WWOX: variants seen among roughly 807,000 people sequenced by gnomAD.
WWOX encodes WW domain-containing oxidoreductase.
WWOX carries 69 observed loss-of-function variants against 46.2 expected under a neutral mutation model. The observed-to-expected ratio is 1.49, with a 90% CI of 1.23 to 1.82. WWOX has a LOEUF of 1.82. Ranked by LOEUF, WWOX falls within the 40% of genes most tolerant of loss-of-function variation. The probability of loss-of-function intolerance (pLI) is 0.00; values close to 1 mark genes in which losing one functional copy is unlikely to be tolerated. For missense variants in WWOX, 919 were observed against 542.6 expected (o/e 1.69, Z -6.89); for synonymous variants, 359 against 202.6 (o/e 1.77, Z -6.56).
intron 5 of WWOX, among the ~76,000 whole-genome samples, chr16:78,377,252 A>G (rs1352019275): frequency 1.3e-5 from 2 of 152,240 alleles, no homozygotes; most frequent in Non-Finnish European, 2.9e-5. Context: ...TGCATAAGAT[A>G]TAGGGCATGT....
chr16:79,182,145 A>T (rs2050924890), intron 8 of WWOX, among the ~76,000 whole-genome samples: 1 of 149,066 alleles, frequency 6.7e-6, no homozygotes, highest in Non-Finnish European at 1.5e-5. Context: ...CTCGGTGGCA[A>T]GGGAGGGACT....
At chr16:78,730,316 C>T (rs1040769368) in intron 8 of WWOX, among the ~76,000 whole-genome samples, 1 of 151,982 alleles carries the variant, frequency 6.6e-6, no homozygotes, top group Non-Finnish European at 1.5e-5. Flanking sequence ...TCCCTCTCTG[C>T]CTCCTTCCTT....
intron 1 of WWOX, among the ~76,000 whole-genome samples, chr16:78,103,732 G>A (rs962402620): frequency 3.3e-5 from 5 of 152,100 alleles, no homozygotes; most frequent in African/African-American, 1.2e-4. Flanking sequence ...TTTCTAGGAG[G>A]CTGCTCTTTG....
chr16:79,211,728 A>T lies in WWOX; in HGVS notation c.1177A>T (p.Thr393Ser), dbSNP rs533369122. 1 of 1,614,178 alleles carries T rather than the reference A, an allele frequency of 6.2e-7. No individual in the cohort carries two copies. The highest frequency in any genetic ancestry group is 2.2e-5 in the East Asian group (1 of 44,868). ...MPSPEAQSEE[T>S]ARTLWALSER... ...CTCACCAGAAGCTCAGAGCGAAGAG[A>T]CGGCCCGGACCCTGTGGGCGCTCAG... Residue 393 changes from threonine to serine, a missense_variant, in exon 9 of 9, where the codon ACG (threonine) becomes TCG (serine). Transcript: ENST00000566780.
chr16:78,845,125 C>G (rs1280671407), intron 8 of WWOX, among the ~76,000 whole-genome samples: 1 of 140,058 alleles, frequency 7.1e-6, no homozygotes, highest in African/African-American at 2.7e-5. Context: ...CTTTTTTTAT[C>G]TTGCTGTCTT....
intron 8 of WWOX, among the ~76,000 whole-genome samples, chr16:79,090,295 G>A (rs1197315207): frequency 1.3e-5 from 2 of 151,326 alleles, no homozygotes; most frequent in Non-Finnish European, 2.9e-5. Flanking sequence ...GTGTGTGTGT[G>A]TGTGTGTGTG....
At chr16:78,783,738 A>T (rs1381469055) in intron 8 of WWOX, among the ~76,000 whole-genome samples, 1 of 151,986 alleles carries the variant, frequency 6.6e-6, no homozygotes, top group African/African-American at 2.4e-5. Flanking sequence ...GATGTTGATG[A>T]TGATGGTGAT....
chr16:78,466,326 C>G (rs193011214), intron 8 of WWOX, among the ~76,000 whole-genome samples: 4 of 152,114 alleles, frequency 2.6e-5, no homozygotes, highest in Non-Finnish European at 5.9e-5. Flanking sequence ...CCATTGCACC[C>G]GGCTATTGGG....
At chr16:78,114,423 C>T (rs561247501) in intron 3 of WWOX, among the ~76,000 whole-genome samples, 4 of 152,262 alleles carry the variant, frequency 2.6e-5, no homozygotes, top group African/African-American at 9.6e-5. Flanking sequence ...AATACCATTT[C>T]TACAAGATTT....
intron 8 of WWOX, among the ~76,000 whole-genome samples, chr16:78,507,092 C>T (rs1171265729): frequency 6.6e-6 from 1 of 152,142 alleles, no homozygotes; most frequent in Non-Finnish European, 1.5e-5. Context: ...GCAACATCAT[C>T]CCAAATAAAG....
chr16:78,823,446 C>G (rs545018336), intron 8 of WWOX, among the ~76,000 whole-genome samples: 113 of 152,314 alleles, frequency 7.4e-4, no homozygotes, highest in African/African-American at 2.4e-3. Context: ...GTCATCATCG[C>G]TTATCATCAC....
At chr16:78,424,655 A>G (rs1013499153) in intron 6 of WWOX, among the ~76,000 whole-genome samples, 1 of 152,186 alleles carries the variant, frequency 6.6e-6, no homozygotes, top group Non-Finnish European at 1.5e-5. Context: ...AACGGAGGAC[A>G]GTTGCCCACT....
chr16:78,445,465 G>A (rs1426948124), intron 8 of WWOX, among the ~76,000 whole-genome samples: 3 of 152,114 alleles, frequency 2.0e-5, no homozygotes, highest in Non-Finnish European at 4.4e-5. Flanking sequence ...CATGGGGACC[G>A]TATGTTGGGA....
At chr16:79,060,776 G>T (rs745519058) in intron 8 of WWOX, among the ~76,000 whole-genome samples, 6 of 152,210 alleles carry the variant, frequency 3.9e-5, no homozygotes, top group Non-Finnish European at 8.8e-5. Flanking sequence ...AAGACTCTCA[G>T]TCTCCTTGCA....
intron 8 of WWOX, among the ~76,000 whole-genome samples, chr16:78,753,825 AATATATATATAT>A (rs1159243014): frequency 8.0e-4 from 17 of 21,356 alleles, no homozygotes; most frequent in African/African-American, 1.5e-3. Context: ...AAAAAAAAAA[AATATATATATAT>A]ATATATATAT....
intron 8 of WWOX, among the ~76,000 whole-genome samples, chr16:79,027,318 A>C (rs1262103394): frequency 2.7e-5 from 4 of 150,840 alleles, no homozygotes; most frequent in African/African-American, 9.8e-5. Context: ...GAGTGGTGAC[A>C]TTTGGTAGAT....
intron 6 of WWOX, among the ~76,000 whole-genome samples, chr16:78,396,696 G>C (rs2082295662): frequency 6.6e-6 from 1 of 152,196 alleles, no homozygotes; most frequent in Non-Finnish European, 1.5e-5. Context: ...CGTCGGCAAA[G>C]TTTTTCTGCA....
intron 8 of WWOX, among the ~76,000 whole-genome samples, chr16:78,520,002 T>A (rs975294868): frequency 6.6e-6 from 1 of 152,246 alleles, no homozygotes; most frequent in Non-Finnish European, 1.5e-5. Context: ...GTAGTATGGT[T>A]TTCCACACTG....
At chr16:78,590,110 A>C (rs7200682) in intron 8 of WWOX, among the ~76,000 whole-genome samples, 55,212 of 151,754 alleles carry the variant, frequency 0.36, 11,017 homozygotes, top group African/African-American at 0.51. Flanking sequence ...AGGATAGGAA[A>C]ATAGCTTGCC....
Sources: allele counts gnomAD v4.1 joint callset (sites outside exome capture counted in the v4.1 genomes callset), GRCh38; gene constraint gnomAD v4.1.1; transcripts MANE v1.5; gene names NCBI Gene and HGNC (gene_info 2026-07-23, HGNC 2026-07-21).